The following WDPCP variants were observed in gnomAD, a reference collection of about 807,000 sequenced individuals.
WDPCP encodes the protein WD repeat containing planar cell polarity effector, also known as WD repeat-containing and planar cell polarity effector protein fritz homolog.
In WDPCP, 71 loss-of-function variants were observed where a neutral mutation model predicts 93.1. The observed-to-expected ratio is 0.76, with a 90% confidence interval of 0.63 to 0.93. WDPCP has a LOEUF of 0.93. Ranked by LOEUF, WDPCP falls within the 40% of genes least tolerant of loss-of-function variation. The probability of loss-of-function intolerance (pLI) is 0.00; values close to 1 mark genes in which losing one functional copy is unlikely to be tolerated. For missense variants in WDPCP, 844 were observed against 887.4 expected (o/e 0.95, Z 0.62); for synonymous variants, 315 against 315.0 (o/e 1.00, Z 0.00).
intron 1 of WDPCP, among the ~76,000 whole-genome samples, chr2:63,582,760 CAG>C (rs1708579338): frequency 6.6e-6 from 1 of 151,750 alleles, no homozygotes; most frequent in Non-Finnish European, 1.5e-5. Context: ...TGAAAAAAAA[CAG>C]TGGATCAAGA....
chr2:63,832,891 G>C, the WDPCP span, among the ~76,000 whole-genome samples: 1 of 152,192 alleles, frequency 6.6e-6, no homozygotes, highest in Admixed American at 6.5e-5. Flanking sequence ...TTAATCGTAT[G>C]ATATGGCAAT....
intron 15 of WDPCP, among the ~76,000 whole-genome samples, chr2:63,166,486 C>A (rs1473219731): frequency 2.0e-5 from 3 of 152,128 alleles, no homozygotes; most frequent in Non-Finnish European, 4.4e-5. Flanking sequence ...CTCACTAAAA[C>A]TTCTGCCTCC....
chr2:63,654,003 A>G (rs2106634757), intron 2 of WDPCP, among the ~76,000 whole-genome samples: 1 of 152,264 alleles, frequency 6.6e-6, no homozygotes, highest in Non-Finnish European at 1.5e-5. Context: ...AGACCCAGAA[A>G]TGACAGATGA....
At chr2:63,202,995 A>G (rs1027999428) in intron 14 of WDPCP, among the ~76,000 whole-genome samples, 17 of 152,050 alleles carry the variant, frequency 1.1e-4, no homozygotes, top group Admixed American at 3.9e-4. Context: ...CAAATTTGTC[A>G]TATTGTTTCA....
At chr2:63,249,630 G>C (rs1192616989) in intron 14 of WDPCP, among the ~76,000 whole-genome samples, 1 of 152,082 alleles carries the variant, frequency 6.6e-6, no homozygotes, top group Non-Finnish European at 1.5e-5. Context: ...TGTTAACTGT[G>C]GGGTAACAAG....
rs183929490 is a variant in WDPCP, at chr2:63,192,266, G to A, written c.1916-17434C>T. ...CTTAGACAAGTCATTTAATCTCTCTGAGCTTCTATTTCCTCATTTGTTCAA... is the reference window on the plus strand; with the variant it reads ...CTTAGACAAGTCATTTAATCTCTCTAAGCTTCTATTTCCTCATTTGTTCAA... On this transcript the variant is annotated intron_variant, in intron 14 of 17. Coordinates refer to ENST00000272321, the MANE Select transcript of WDPCP (RefSeq NM_015910.7). 1.8e-4 allele frequency among the ~76,000 whole-genome samples: 28 copies of A among 152,174 alleles called. No individual in the cohort carries two copies. The East Asian group carries it at 5.2e-3, about 28-fold the overall frequency.
chr2:63,693,753 A>G (rs530058820), intron 2 of WDPCP, among the ~76,000 whole-genome samples: 16 of 152,222 alleles, frequency 1.1e-4, no homozygotes, highest in Non-Finnish European at 1.8e-4. Flanking sequence ...GTTGTTGCTA[A>G]CAACCCAGCA....
chr2:63,251,771 G>A (rs1384321882), intron 14 of WDPCP, among the ~76,000 whole-genome samples: 7 of 151,738 alleles, frequency 4.6e-5, no homozygotes, highest in African/African-American at 1.5e-4. Context: ...GATTACAGGC[G>A]TGAGCCACCG....
At chr2:63,570,913 CTT>C (rs916558273) in intron 1 of WDPCP, among the ~76,000 whole-genome samples, 1 of 145,908 alleles carries the variant, frequency 6.9e-6, no homozygotes. Context: ...TTTTTTTTTT[CTT>C]TTTTTTTTGA....
intron 13 of WDPCP, among the ~76,000 whole-genome samples, chr2:63,299,215 T>TA (rs1185386956): frequency 6.6e-6 from 1 of 152,242 alleles, no homozygotes; most frequent in African/African-American, 2.4e-5. Context: ...TGTCAGTGCA[T>TA]AGGACTACTG....
At chr2:63,265,038 T>C (rs914739048) in intron 13 of WDPCP, among the ~76,000 whole-genome samples, 7 of 151,956 alleles carry the variant, frequency 4.6e-5, no homozygotes. Flanking sequence ...CCAAAACATA[T>C]AAGATGCAGC....
At chr2:63,363,965 A>G (rs1053126965) in intron 12 of WDPCP, among the ~76,000 whole-genome samples, 3 of 152,170 alleles carry the variant, frequency 2.0e-5, no homozygotes, top group Non-Finnish European at 4.4e-5. Context: ...GCCTGAGGCC[A>G]GGAGTTCAAG....
rs893731079 is a variant in WDPCP at position 63,400,984 on chromosome 2, A to G, written c.1435+3064T>C. Among the ~76,000 whole-genome samples, 4 of 152,208 alleles carry G rather than the reference A, an allele frequency of 2.6e-5. 1 individual carries two copies. Among genetic ancestry groups the G allele is most frequent in the Admixed American group, 2.6e-4 (4 of 15,280 alleles). Reference sequence around the variant, plus strand: ...CTGACCCCTTCCTTATACCTTACACAAAAATTAACTCAAAATGGATAAAGG... The same window carrying G: ...CTGACCCCTTCCTTATACCTTACACGAAAATTAACTCAAAATGGATAAAGG... On this transcript the variant is annotated intron_variant, in intron 10 of 17. Transcript: ENST00000272321.
chr2:63,551,263 T>C (rs915472739), intron 1 of WDPCP, among the ~76,000 whole-genome samples: 2 of 152,100 alleles, frequency 1.3e-5, no homozygotes, highest in Non-Finnish European at 2.9e-5. Flanking sequence ...AAAATATGAC[T>C]GTAATATAGT....
the WDPCP span, among the ~76,000 whole-genome samples, chr2:63,839,523 A>G: frequency 6.6e-6 from 1 of 152,228 alleles, no homozygotes; most frequent in Non-Finnish European, 1.5e-5. Context: ...GTGCCATTGC[A>G]CTCCAGCCTG....
At chr2:63,609,890 G>C (rs1042649183) in intron 3 of WDPCP, among the ~76,000 whole-genome samples, 9 of 152,086 alleles carry the variant, frequency 5.9e-5, no homozygotes, top group African/African-American at 1.4e-4. Flanking sequence ...AAAAGAAAAT[G>C]TTATATGAAG....
At chr2:63,212,469 A>C (rs1676905696) in intron 14 of WDPCP, among the ~76,000 whole-genome samples, 1 of 152,216 alleles carries the variant, frequency 6.6e-6, no homozygotes, top group Non-Finnish European at 1.5e-5. Context: ...TGAAGGAAGC[A>C]CTAAACATGG....
chr2:63,263,826 C>T (rs1385147500), intron 13 of WDPCP, among the ~76,000 whole-genome samples: 1 of 152,166 alleles, frequency 6.6e-6, no homozygotes, highest in African/African-American at 2.4e-5. Context: ...GAAGAAATTG[C>T]AAACAAGTGG....
At chr2:63,150,100 A>G (rs1374417962) in intron 17 of WDPCP, among the ~76,000 whole-genome samples, 15 of 152,194 alleles carry the variant, frequency 9.9e-5, no homozygotes, top group Admixed American at 9.2e-4. Context: ...CTGAGAGTAG[A>G]TGGAAGAAGA....
Sources: allele counts gnomAD v4.1 joint callset (sites outside exome capture counted in the v4.1 genomes callset), GRCh38; gene constraint gnomAD v4.1.1; transcripts MANE v1.5; gene names NCBI Gene and HGNC (gene_info 2026-07-23, HGNC 2026-07-21).